WDR25: variants seen among roughly 807,000 people sequenced by gnomAD.
WDR25 encodes the protein WD repeat domain 25, also known as WD repeat-containing protein 25.
WDR25 carries 35 observed loss-of-function variants against 47.7 expected under a neutral mutation model. The observed-to-expected ratio is 0.73, with a 90% CI of 0.56 to 0.97. WDR25 has a LOEUF of 0.97. WDR25 is among the 50% of genes least tolerant of loss of function. The pLI, the probability that WDR25 is intolerant of heterozygous loss-of-function variation, is 0.00. For missense variants in WDR25, 634 were observed against 704.7 expected, an observed-to-expected ratio of 0.90 and a Z score of 1.14; for synonymous variants, 248 against 278.9, an observed-to-expected ratio of 0.89 and a Z score of 1.10.
chr14:100,416,800 T>TCCA, intron 2 of WDR25, among the ~76,000 whole-genome samples: 2 of 152,178 alleles, frequency 1.3e-5, no homozygotes, highest in Admixed American at 1.3e-4. Context: ...GGGAGAAGCT[T>TCCA]GGTGCTCGTT....
At chr14:100,501,251 AG>A (rs1900913948) in intron 4 of WDR25, among the ~76,000 whole-genome samples, 1 of 152,152 alleles carries the variant, frequency 6.6e-6, no homozygotes, top group Admixed American at 6.5e-5. Flanking sequence ...AGGATTAAGG[AG>A]GTCACATGTA....
intron 2 of WDR25, among the ~76,000 whole-genome samples, chr14:100,464,741 ATCTCATCTCATCTCATCTCAT>A (rs1899553579): frequency 7.4e-4 from 2 of 2,686 alleles, no homozygotes; most frequent in Admixed American, 0.012. Flanking sequence ...ACTCCATCTC[ATCTCATCTCATCTCATCTCAT>A]CTCATCTCAT....
intron 2 of WDR25, among the ~76,000 whole-genome samples, chr14:100,386,929 C>T (rs1352026031): frequency 6.6e-6 from 1 of 152,002 alleles, no homozygotes; most frequent in Non-Finnish European, 1.5e-5. Flanking sequence ...TGATTTACAC[C>T]CAGGCATTAG....
In WDR25 at chr14:100,430,876, C is replaced by T. The variant is rs1479680484; in HGVS notation, c.823-37145C>T. On this transcript the variant is annotated intron_variant, in intron 2 of 6. Coordinates refer to ENST00000402312, the MANE Select transcript of WDR25 (RefSeq NM_001161476.3). The surrounding 1 kb of genome is among the most constrained non-coding windows in gnomAD (Gnocchi z 4.7). ...TCCCCTCCTTGTGGGTCATTTCATCCACCAACTCCTGCGGTGCCAGAGGTG... is the reference window on the plus strand; with the variant it reads ...TCCCCTCCTTGTGGGTCATTTCATCTACCAACTCCTGCGGTGCCAGAGGTG... Among the ~76,000 whole-genome samples, 1 of 152,196 alleles carries T rather than the reference C, an allele frequency of 6.6e-6. No homozygotes were observed. The highest frequency in any genetic ancestry group is 1.5e-5 in the Non-Finnish European group (1 of 68,028).
At chr14:100,459,908 A>ATATATG (rs1235948458) in intron 2 of WDR25, among the ~76,000 whole-genome samples, 2 of 50,012 alleles carry the variant, frequency 4.0e-5, no homozygotes, top group African/African-American at 9.5e-5. Flanking sequence ...ATATATATAT[A>ATATATG]TATATATATA....
At chr14:100,485,600 G>A (rs998348893) in intron 4 of WDR25, among the ~76,000 whole-genome samples, 1 of 152,222 alleles carries the variant, frequency 6.6e-6, no homozygotes, top group African/African-American at 2.4e-5. Flanking sequence ...AACGCTGTGT[G>A]TCTTGGTCTC....
chr14:100,527,674 C>T (rs1214397214), intron 5 of WDR25, among the ~76,000 whole-genome samples: 1 of 152,212 alleles, frequency 6.6e-6, no homozygotes, highest in East Asian at 1.9e-4. Flanking sequence ...GGAAGTGAGG[C>T]AGATGAAGGT....
At chr14:100,482,212 AC>A (rs1417296875) in intron 3 of WDR25, among the ~76,000 whole-genome samples, 1 of 152,172 alleles carries the variant, frequency 6.6e-6, no homozygotes, top group African/African-American at 2.4e-5. Context: ...AACTGAACCT[AC>A]TTGCAACCAG....
chr14:100,529,024 TG>T lies in WDR25; in HGVS notation c.1273-39del, dbSNP rs765465562. 3 of 1,502,086 alleles carry T rather than the reference TG, an allele frequency of 2.0e-6. No individual in the cohort carries two copies. The highest frequency in any genetic ancestry group is 2.3e-5 in the East Asian group (1 of 42,820). 93.0% of individuals were successfully genotyped at this position (1,502,086 alleles called of 1,614,324 possible). A position where few individuals can be genotyped will look rare whatever the true frequency, so the allele number is the denominator to read the frequency against. ...CAGGCCCCAGAGCAGAGTGCCAGGT[TG>T]GGGGTGTCTTCTCTGACCCATTTGT... is the stretch of plus-strand genomic sequence containing the variant. On this transcript the variant is annotated intron_variant, in intron 5 of 6. Coordinates refer to ENST00000402312, the MANE Select transcript of WDR25 (RefSeq NM_001161476.3). This position sits in a 1 kb window ranked among gnomAD's most constrained non-coding sequence, Gnocchi z 5.1.
intron 4 of WDR25, among the ~76,000 whole-genome samples, chr14:100,501,246 TA>T (rs1439506604): frequency 2.6e-5 from 4 of 152,104 alleles, no homozygotes; most frequent in African/African-American, 9.7e-5. Flanking sequence ...TCACGAGGAT[TA>T]AGGAGGTCAC....
At chr14:100,478,464 G>A (rs1294505264) in intron 3 of WDR25, among the ~76,000 whole-genome samples, 1 of 152,150 alleles carries the variant, frequency 6.6e-6, no homozygotes, top group African/African-American at 2.4e-5. Flanking sequence ...CCTAATTTCT[G>A]AAACAAAGTC....
chr14:100,470,059 C>T (rs1334149290), intron 3 of WDR25, among the ~76,000 whole-genome samples: 1 of 152,194 alleles, frequency 6.6e-6, no homozygotes, highest in Admixed American at 6.5e-5. Context: ...GCAAGAACAT[C>T]TAGATTGGAA....
intron 3 of WDR25, among the ~76,000 whole-genome samples, chr14:100,473,727 A>G (rs1178694794): frequency 2.0e-5 from 3 of 152,196 alleles, no homozygotes; most frequent in Non-Finnish European, 4.4e-5. Context: ...GCTTTGGAGA[A>G]GGGGCCACAG....
At chr14:100,484,654 A>T (rs574810098) in intron 4 of WDR25, among the ~76,000 whole-genome samples, 1 of 152,074 alleles carries the variant, frequency 6.6e-6, no homozygotes, top group Non-Finnish European at 1.5e-5. Flanking sequence ...GCCTTTTACC[A>T]TCACCACTTA....
intron 2 of WDR25, among the ~76,000 whole-genome samples, chr14:100,445,901 C>T (rs974436960): frequency 6.6e-6 from 1 of 152,288 alleles, no homozygotes; most frequent in Middle Eastern, 3.4e-3. Flanking sequence ...CCTGTGATTC[C>T]AACCCATGCT....
rs1271569867 is a variant in WDR25 at position 100,468,698 on chromosome 14, A to C, written c.970+530A>C. Among the ~76,000 whole-genome samples the C allele has an allele frequency of 1.3e-5, 2 of 152,002 alleles. No individual in the cohort carries two copies. The highest frequency in any genetic ancestry group is 2.9e-5 in the Non-Finnish European group (2 of 68,006). On this transcript the variant is annotated intron_variant, in intron 3 of 6. Transcript: ENST00000402312. This position sits in a 1 kb window ranked among gnomAD's most constrained non-coding sequence, Gnocchi z 4.5. ...GACAAGCAGGGCGAGAAGGAGAGAG[A>C]AGTCAGTGGAAGGAACTTTCCTTAC...
intron 2 of WDR25, among the ~76,000 whole-genome samples, chr14:100,443,397 C>G (rs1418383393): frequency 6.6e-6 from 1 of 151,446 alleles, no homozygotes; most frequent in East Asian, 1.9e-4. Flanking sequence ...ACTGGAAAAG[C>G]CACCGACTGA....
At chr14:100,421,249 A>G (rs934158547) in intron 2 of WDR25, among the ~76,000 whole-genome samples, 4 of 152,176 alleles carry the variant, frequency 2.6e-5, no homozygotes, top group Non-Finnish European at 4.4e-5. Context: ...TGGGTTAGAA[A>G]ATATCCTTTG....
At position 100,530,091 on chromosome 14, in the gene WDR25, C is replaced by G. The variant is rs200943876; in HGVS notation, c.*50C>G. The G allele has an allele frequency of 1.0e-3, 1,602 of 1,559,978 alleles. 1 individual carries two copies. The highest frequency in any genetic ancestry group is 1.3e-3 in the Non-Finnish European group (1,528 of 1,147,144). On this transcript the variant is annotated 3_prime_UTR_variant, in exon 7 of 7. Transcript: ENST00000402312. ...ATGCCAGCTGGGCTCTTGGACTCCC[C>G]TCTTCCTCAAGGGTAGATGAGAGGA... is the stretch of plus-strand genomic sequence containing the variant.
Sources: allele counts gnomAD v4.1 joint callset (sites outside exome capture counted in the v4.1 genomes callset), GRCh38; gene constraint gnomAD v4.1.1; non-coding constraint Gnocchi (gnomAD v3.1); transcripts MANE v1.5; gene names NCBI Gene and HGNC (gene_info 2026-07-23, HGNC 2026-07-21).